Variants in HECW1 observed in about 807,000 individuals in gnomAD.
HECW1 encodes E3 ubiquitin-protein ligase HECW1.
In HECW1, 61 loss-of-function variants were observed where a neutral mutation model predicts 182.3. The observed-to-expected ratio is 0.33, with a 90% CI of 0.27 to 0.41. The LOEUF is 0.41. Among genes scored for constraint, HECW1 ranks in the 10% least tolerant of loss-of-function variants. The pLI is 1.00. For synonymous variants in HECW1, 859 were observed against 832.6 expected (o/e 1.03, Z -0.55); for missense variants, 1,739 against 2,108.9 (o/e 0.82, Z 3.44).
intron 28 of HECW1, 25 bp downstream of exon 28, chr7:43,552,361 T>C (rs773023691): frequency 3.1e-6 from 4 of 1,291,944 alleles, no homozygotes; most frequent in Non-Finnish European, 4.5e-6. Context: ...GCTGTAATGA[T>C]GCAATGATCA....
At chr7:43,480,912 C>T (rs2152908058) in intron 17 of HECW1, among the ~76,000 whole-genome samples, 1 of 152,234 alleles carries the variant, frequency 6.6e-6, no homozygotes, top group South Asian at 2.1e-4. Context: ...ACCACTTTTT[C>T]AGAAGGAGTC....
intron 2 of HECW1, among the ~76,000 whole-genome samples, chr7:43,215,078 A>G (rs190523920): frequency 1.3e-5 from 2 of 152,318 alleles, no homozygotes; most frequent in East Asian, 3.9e-4. Context: ...TTTTATCCTG[A>G]TTTTAAAAAA....
At chr7:43,153,745 T>C (rs1789594925) in intron 2 of HECW1, among the ~76,000 whole-genome samples, 1 of 152,166 alleles carries the variant, frequency 6.6e-6, no homozygotes, top group Non-Finnish European at 1.5e-5. Flanking sequence ...TTTATATATA[T>C]TGTTGAAATG....
At chr7:43,362,433 G>C (rs143354766) in intron 6 of HECW1, among the ~76,000 whole-genome samples, 1 of 152,164 alleles carries the variant, frequency 6.6e-6, no homozygotes, top group Non-Finnish European at 1.5e-5. Flanking sequence ...TGCTTTTGAC[G>C]GCTTCGCTGT....
intron 2 of HECW1, among the ~76,000 whole-genome samples, chr7:43,201,008 G>A (rs1170912658): frequency 6.6e-6 from 1 of 152,204 alleles, no homozygotes; most frequent in Non-Finnish European, 1.5e-5. Flanking sequence ...TCACAGTGGG[G>A]AAGAAATACA....
At chr7:43,545,470 A>T (rs1332961728) in intron 26 of HECW1, among the ~76,000 whole-genome samples, 1 of 152,158 alleles carries the variant, frequency 6.6e-6, no homozygotes, top group Admixed American at 6.6e-5. Context: ...AATAATGTAC[A>T]GTTGACCCTT....
At chr7:43,285,411 C>T (rs923106367) in intron 3 of HECW1, among the ~76,000 whole-genome samples, 1 of 152,204 alleles carries the variant, frequency 6.6e-6, no homozygotes, top group Non-Finnish European at 1.5e-5. Context: ...GAAATCAAAA[C>T]TCAGCCTGCA....
At chr7:43,351,076 T>TG (rs1253766386) in intron 5 of HECW1, among the ~76,000 whole-genome samples, 1 of 152,244 alleles carries the variant, frequency 6.6e-6, no homozygotes, top group Non-Finnish European at 1.5e-5. Flanking sequence ...GAATTAGTAC[T>TG]GTCCCCTTTT....
chr7:43,356,874 T>C (rs1815209283), intron 5 of HECW1, among the ~76,000 whole-genome samples: 1 of 152,142 alleles, frequency 6.6e-6, no homozygotes, highest in Non-Finnish European at 1.5e-5. Context: ...GTATGCGGTA[T>C]AGTAAACAAC....
intron 24 of HECW1, among the ~76,000 whole-genome samples, chr7:43,538,392 A>G (rs1210647681): frequency 2.0e-5 from 3 of 152,224 alleles, no homozygotes; most frequent in Non-Finnish European, 4.4e-5. Flanking sequence ...GAACCAAAAT[A>G]TATCTAATTA....
chr7:43,364,988 A>G (rs1250314372), intron 6 of HECW1, among the ~76,000 whole-genome samples: 1 of 152,226 alleles, frequency 6.6e-6, no homozygotes, highest in Non-Finnish European at 1.5e-5. Flanking sequence ...ACAGTTTGCC[A>G]AAGACAGGGT....
chr7:43,138,151 C>T (rs1787772684), intron 2 of HECW1, among the ~76,000 whole-genome samples: 1 of 152,146 alleles, frequency 6.6e-6, no homozygotes, highest in Non-Finnish European at 1.5e-5. Flanking sequence ...AGAATAATAA[C>T]CCTCCAACTG....
intron 4 of HECW1, 25 bp downstream of exon 4, chr7:43,312,112 T>C: frequency 1.3e-6 from 2 of 1,576,956 alleles, no homozygotes. Context: ...CCAAGTGTAT[T>C]ATTCATAATT....
intron 3 of HECW1, among the ~76,000 whole-genome samples, chr7:43,297,678 T>C (rs1806213560): frequency 6.6e-6 from 1 of 152,164 alleles, no homozygotes; most frequent in South Asian, 2.1e-4. Flanking sequence ...CTGCATTGGG[T>C]TTGGCTCTAA....
At chr7:43,192,694 T>C (rs1424700013) in intron 2 of HECW1, among the ~76,000 whole-genome samples, 1 of 152,204 alleles carries the variant, frequency 6.6e-6, no homozygotes, top group Non-Finnish European at 1.5e-5. Flanking sequence ...TGACAATCAA[T>C]GTCAACATTT....
intron 24 of HECW1, chr7:43,522,195 A>G (rs2080511264): frequency 6.6e-6 from 1 of 152,258 alleles, no homozygotes; most frequent in South Asian, 2.1e-4. Flanking sequence ...GGAATGAACT[A>G]AGACACTCAC....
At chr7:43,395,001 G>A (rs1072307) in intron 6 of HECW1, among the ~76,000 whole-genome samples, 97,269 of 151,222 alleles carry the variant, frequency 0.64, 31,717 homozygotes, top group African/African-American at 0.75. Flanking sequence ...TCTTGCAGTG[G>A]GTCAGTTCCT....
At chr7:43,470,201 G>A (rs182197492) in intron 16 of HECW1, among the ~76,000 whole-genome samples, 4 of 152,324 alleles carry the variant, frequency 2.6e-5, no homozygotes, top group East Asian at 1.9e-4. Flanking sequence ...GAGTGACAAT[G>A]ATTTGTATGT....
At position 43,564,490 on chromosome 7, in the gene HECW1, C is replaced by T. The variant is rs534361046; in HGVS notation, c.*2564C>T. 1.1e-5 allele frequency: 2 copies of T among 188,988 alleles called. No individual in the cohort carries two copies. The highest frequency in any genetic ancestry group is 4.7e-5 in the African/African-American group (2 of 42,974). The allele number at this position is 188,988 out of a possible 1,614,324, so 11.7% of individuals were successfully genotyped here. A position where few individuals can be genotyped will look rare whatever the true frequency, so the allele number is the denominator to read the frequency against. ...TTGGCATACATGATTTTTCAACTACCGTTTCCTTATCCACCAGTACTACTG... is the reference window on the plus strand; with the variant it reads ...TTGGCATACATGATTTTTCAACTACTGTTTCCTTATCCACCAGTACTACTG... On this transcript the variant is annotated 3_prime_UTR_variant, in exon 30 of 30. Coordinates refer to ENST00000395891, the MANE Select transcript of HECW1 (RefSeq NM_015052.5).
Sources: gnomAD v4.1 joint callset for allele counts (sites outside exome capture counted in the v4.1 genomes callset) on GRCh38, gnomAD v4.1.1 for gene constraint, MANE v1.5 for transcripts, NCBI Gene and HGNC (gene_info 2026-07-23, HGNC 2026-07-21) for gene names.